Variants in PRDM16 observed in about 807,000 individuals in gnomAD.
PRDM16 encodes histone-lysine N-methyltransferase PRDM16.
A neutral mutation model predicts 110.6 loss-of-function variants in PRDM16; 23 were observed. The ratio of observed to expected loss-of-function variants is 0.21; its 90% CI spans 0.15 to 0.29. The LOEUF (loss-of-function observed/expected upper bound fraction) is 0.29, where lower values mean the gene tolerates loss of function less well. Among genes scored for constraint, PRDM16 ranks in the 10% least tolerant of loss-of-function variants. The pLI is 1.00. For synonymous variants in PRDM16, 799 were observed against 781.8 expected, an observed-to-expected ratio of 1.02 and a Z score of -0.37; for missense variants, 1,615 against 1,794.3, an observed-to-expected ratio of 0.90 and a Z score of 1.81.
At chr1:3,166,889 G>T (rs1338053766) in intron 1 of PRDM16, among the ~76,000 whole-genome samples, 2 of 152,038 alleles carry the variant, frequency 1.3e-5, no homozygotes, top group Non-Finnish European at 2.9e-5. Context: ...CCTCACGGCG[G>T]CCTACGAAGC....
chr1:3,278,625 A>G (rs1640642317), intron 3 of PRDM16, among the ~76,000 whole-genome samples: 3 of 152,160 alleles, frequency 2.0e-5, no homozygotes, highest in Admixed American at 6.5e-5. Context: ...CGGGGCCTGC[A>G]GTCAGCCAGG....
chr1:3,381,399 G>GTTTTT (rs1557643430), intron 3 of PRDM16, among the ~76,000 whole-genome samples: 1 of 148,014 alleles, frequency 6.8e-6, no homozygotes, highest in Non-Finnish European at 1.5e-5. Flanking sequence ...GTTTTTTTCT[G>GTTTTT]GTTTTTTTTT....
At chr1:3,091,346 C>T (rs1488482649) in intron 1 of PRDM16, among the ~76,000 whole-genome samples, 4 of 152,158 alleles carry the variant, frequency 2.6e-5, no homozygotes, top group East Asian at 1.9e-4. Context: ...TTGACTTAAG[C>T]GGGTGCAGCC....
chr1:3,181,318 A>AAG (rs1569780765), intron 1 of PRDM16, among the ~76,000 whole-genome samples: 2 of 144,966 alleles, frequency 1.4e-5, no homozygotes, highest in Admixed American at 6.8e-5. Context: ...GGTCTTACAC[A>AAG]CGCAATCTTA....
chr1:3,104,238 C>T (rs935127484), intron 1 of PRDM16, among the ~76,000 whole-genome samples: 1 of 152,192 alleles, frequency 6.6e-6, no homozygotes, highest in Non-Finnish European at 1.5e-5. Context: ...CTGTGGGGAC[C>T]CAGGAGGCGG....
chr1:3,144,735 C>T (rs1190777261), intron 1 of PRDM16, among the ~76,000 whole-genome samples: 3 of 152,236 alleles, frequency 2.0e-5, no homozygotes, highest in Non-Finnish European at 4.4e-5. Flanking sequence ...AGCCCCTGCA[C>T]GGGGTCACCC....
At chr1:3,289,422 G>T (rs1218982413) in intron 3 of PRDM16, among the ~76,000 whole-genome samples, 1 of 152,216 alleles carries the variant, frequency 6.6e-6, no homozygotes, top group Non-Finnish European at 1.5e-5. Flanking sequence ...ACAAGTACCT[G>T]CCTGCAGCGA....
intron 3 of PRDM16, among the ~76,000 whole-genome samples, chr1:3,357,312 T>C (rs894565853): frequency 6.6e-5 from 10 of 152,108 alleles, no homozygotes; most frequent in African/African-American, 2.2e-4. Context: ...CTGCTCTTCA[T>C]GGCTGGATAC....
At chr1:3,348,996 G>C (rs1642421159) in intron 3 of PRDM16, among the ~76,000 whole-genome samples, 1 of 152,148 alleles carries the variant, frequency 6.6e-6, no homozygotes, top group Admixed American at 6.5e-5. Context: ...CAGCCCACTG[G>C]CATGGCTCTG....
At chr1:3,215,798 G>A (rs1045065181) in intron 2 of PRDM16, among the ~76,000 whole-genome samples, 22 of 152,084 alleles carry the variant, frequency 1.4e-4, no homozygotes, top group Non-Finnish European at 2.9e-4. Context: ...GCCCGTGTCC[G>A]CACCCTCATT....
intron 1 of PRDM16, among the ~76,000 whole-genome samples, chr1:3,072,135 CCTA>C (rs1406006343): frequency 1.3e-5 from 2 of 151,948 alleles, no homozygotes; most frequent in Admixed American, 6.5e-5. Context: ...CAGGGTCCCC[CCTA>C]CTGAAGCCAG....
chr1:3,181,318 A>G (rs1644172131), intron 1 of PRDM16, among the ~76,000 whole-genome samples: 1 of 144,966 alleles, frequency 6.9e-6, no homozygotes, highest in Non-Finnish European at 1.5e-5. Context: ...GGTCTTACAC[A>G]CGCAATCTTA....
chr1:3,402,216 G>A (rs1643484195), intron 5 of PRDM16, among the ~76,000 whole-genome samples: 1 of 152,192 alleles, frequency 6.6e-6, no homozygotes, highest in South Asian at 2.1e-4. Flanking sequence ...CGTCTTAGGT[G>A]GAAGGCTGCT....
chr1:3,092,852 C>T (rs1001019489), intron 1 of PRDM16, among the ~76,000 whole-genome samples: 1 of 152,162 alleles, frequency 6.6e-6, no homozygotes, highest in Non-Finnish European at 1.5e-5. Context: ...CATCTTAAAC[C>T]CAGGGGCAAA....
chr1:3,341,028 G>A (rs1381159840), intron 3 of PRDM16, among the ~76,000 whole-genome samples: 1 of 151,502 alleles, frequency 6.6e-6, no homozygotes, highest in Non-Finnish European at 1.5e-5. Context: ...AGGGGGATGT[G>A]TCCAACCCCG....
chr1:3,322,300 G>C (rs891828948), intron 3 of PRDM16, among the ~76,000 whole-genome samples: 1 of 152,120 alleles, frequency 6.6e-6, no homozygotes, highest in Non-Finnish European at 1.5e-5. Context: ...CAGAGCGAGG[G>C]GAAACAGGCC....
chr1:3,243,790 C>G lies in PRDM16; in HGVS notation c.388-297C>G, dbSNP rs184451184. Among the ~76,000 whole-genome samples, 1 of 152,184 alleles carries G rather than the reference C, an allele frequency of 6.6e-6. No homozygotes were observed. The highest frequency in any genetic ancestry group is 2.4e-5 in the African/African-American group (1 of 41,432). On this transcript the variant is annotated intron_variant, in intron 2 of 16. Coordinates refer to ENST00000270722, the MANE Select transcript of PRDM16 (RefSeq NM_022114.4). This position sits in a 1 kb window ranked among gnomAD's most constrained non-coding sequence, Gnocchi z 5.5. ...GAGACGCCTTGACCTGGGTCCCCAC[C>G]CAACCACTAAAGGGCCAGAGTGAGC...
At chr1:3,113,119 G>A (rs1374652976) in intron 1 of PRDM16, among the ~76,000 whole-genome samples, 1 of 152,246 alleles carries the variant, frequency 6.6e-6, no homozygotes, top group Non-Finnish European at 1.5e-5. Context: ...GCTGTGGCCT[G>A]TGTGGCTCCA....
At chr1:3,304,607 C>T (rs1292712114) in intron 3 of PRDM16, among the ~76,000 whole-genome samples, 3 of 152,260 alleles carry the variant, frequency 2.0e-5, no homozygotes, top group South Asian at 2.1e-4. Context: ...ACGAGGAGCA[C>T]GGCCTGGAGT....
Sources: allele counts gnomAD v4.1 joint callset (sites outside exome capture counted in the v4.1 genomes callset), GRCh38; gene constraint gnomAD v4.1.1; non-coding constraint Gnocchi (gnomAD v3.1); transcripts MANE v1.5; gene names NCBI Gene and HGNC (gene_info 2026-07-23, HGNC 2026-07-21).